Variants in TMEM132D observed in about 807,000 individuals in gnomAD.
TMEM132D encodes the protein transmembrane protein 132D, also known as mature OL transmembrane protein.
Under a neutral mutation model 62.3 loss-of-function variants are expected in TMEM132D, and 21 were observed. The ratio of observed to expected loss-of-function variants is 0.34; its 90% confidence interval spans 0.24 to 0.49. The LOEUF is 0.49. TMEM132D is among the 20% of genes least tolerant of loss of function. The pLI is 0.99. For synonymous variants in TMEM132D, 621 were observed against 575.6 expected (o/e 1.08, Z -1.13); for missense variants, 1,346 against 1,402.8 (o/e 0.96, Z 0.65).
intron 3 of TMEM132D, among the ~76,000 whole-genome samples, chr12:129,419,953 G>C (rs1020066976): frequency 3.3e-5 from 5 of 152,160 alleles, no homozygotes; most frequent in African/African-American, 9.7e-5. Context: ...AATATTCCCA[G>C]TTGACCATAG....
At chr12:129,533,837 C>T (rs963715160) in intron 2 of TMEM132D, among the ~76,000 whole-genome samples, 1 of 152,186 alleles carries the variant, frequency 6.6e-6, no homozygotes, top group African/African-American at 2.4e-5. Context: ...ATAGAACACA[C>T]ATTTCTAGGG....
intron 3 of TMEM132D, among the ~76,000 whole-genome samples, chr12:129,414,963 C>T (rs1258032562): frequency 6.6e-6 from 1 of 152,200 alleles, no homozygotes; most frequent in Admixed American, 6.5e-5. Context: ...GCACAATGTG[C>T]TCTAGGTTCA....
At chr12:129,696,578 C>A (rs1306651754) in intron 2 of TMEM132D, among the ~76,000 whole-genome samples, 1 of 152,134 alleles carries the variant, frequency 6.6e-6, no homozygotes, top group African/African-American at 2.4e-5. Context: ...AAGACCAGAG[C>A]TCTTTGGAAA....
intron 3 of TMEM132D, among the ~76,000 whole-genome samples, chr12:129,399,412 A>T (rs368371927): frequency 6.6e-6 from 1 of 152,188 alleles, no homozygotes; most frequent in Admixed American, 6.5e-5. Flanking sequence ...TGCAATAGCT[A>T]ACCCACTCCC....
intron 3 of TMEM132D, among the ~76,000 whole-genome samples, chr12:129,467,313 T>C (rs531104841): frequency 7.3e-4 from 111 of 152,178 alleles, no homozygotes; most frequent in African/African-American, 2.6e-3. Flanking sequence ...CTTTTCTCTA[T>C]CTCAATTTCC....
At chr12:129,588,758 T>C (rs1348730420) in intron 2 of TMEM132D, among the ~76,000 whole-genome samples, 1 of 148,868 alleles carries the variant, frequency 6.7e-6, no homozygotes, top group Non-Finnish European at 1.5e-5. Flanking sequence ...CTTTTTTTTT[T>C]TTTTTTTGTA....
intron 3 of TMEM132D, among the ~76,000 whole-genome samples, chr12:129,465,343 T>C (rs185028486): frequency 0.018 from 2,717 of 152,280 alleles, 45 homozygotes; most frequent in Non-Finnish European, 0.028. Flanking sequence ...CAATATCATA[T>C]TGAATGGACA....
rs887119773 is a variant in TMEM132D at position 129,854,995 on chromosome 12, A to C, written c.79+48266T>G. ...CTGGATGTTTATGCCCCTCCCCCAA[A>C]TTAATGCTGAGATCTTAACCGAGGT... is the stretch of plus-strand genomic sequence containing the variant. On this transcript the variant is annotated intron_variant, in intron 1 of 8. Transcript: ENST00000422113. The C allele has an allele frequency of 4.6e-5, 7 of 152,510 alleles. 1 individual carries two copies. In the Middle Eastern group the frequency reaches 0.017, roughly 368 times the overall value. 9.4% of individuals were successfully genotyped at this position (152,510 alleles called of 1,614,324 possible).
chr12:129,467,380 A>G (rs1031486656), intron 3 of TMEM132D, among the ~76,000 whole-genome samples: 47 of 152,300 alleles, frequency 3.1e-4, no homozygotes, highest in African/African-American at 1.1e-3. Flanking sequence ...AACCAGTTCC[A>G]GGTCCCCACT....
Position 129,376,469 on chromosome 12 carries a change from T to C in TMEM132D, c.1116-38652A>G, listed in dbSNP as rs1870783528. Among the ~76,000 whole-genome samples, 4 of 152,130 alleles carry C rather than the reference T, an allele frequency of 2.6e-5. No individual in the cohort carries two copies. In the South Asian group the frequency reaches 8.3e-4, roughly 32 times the overall value. ...AACAGCAGGGAGGTAGCTGCTCCCA[T>C]GATTCAATTACCTCCAACCAGGTAC... On this transcript the variant is annotated intron_variant, in intron 3 of 8. Transcript: ENST00000422113.
At chr12:129,814,667 GT>G (rs1321644969) in intron 1 of TMEM132D, among the ~76,000 whole-genome samples, 5 of 151,666 alleles carry the variant, frequency 3.3e-5, no homozygotes, top group Non-Finnish European at 5.9e-5. Context: ...TGATGTAGGG[GT>G]CCTATGAGTT....
At chr12:129,078,424 G>A (rs905033120) in intron 8 of TMEM132D, 110 bp downstream of exon 8, 36 of 1,108,370 alleles carry the variant, frequency 3.2e-5, no homozygotes, top group Middle Eastern at 3.1e-4. Flanking sequence ...ACAAACGCCC[G>A]ATATATGATC....
chr12:129,815,315 G>A (rs1872313448), intron 1 of TMEM132D, among the ~76,000 whole-genome samples: 1 of 152,184 alleles, frequency 6.6e-6, no homozygotes, highest in Admixed American at 6.5e-5. Flanking sequence ...TCAAAATAGT[G>A]TACATGTGAC....
chr12:129,106,668 A>C (rs1199635602), intron 5 of TMEM132D, among the ~76,000 whole-genome samples: 1 of 152,086 alleles, frequency 6.6e-6, no homozygotes, highest in East Asian at 1.9e-4. Flanking sequence ...CTTCTTGGGC[A>C]GATTGGAGGA....
chr12:129,519,537 T>C (rs1025622402), intron 3 of TMEM132D, among the ~76,000 whole-genome samples: 1 of 152,084 alleles, frequency 6.6e-6, no homozygotes, highest in Non-Finnish European at 1.5e-5. Flanking sequence ...TTAAAAACAT[T>C]ATTCTGAGGA....
intron 2 of TMEM132D, among the ~76,000 whole-genome samples, chr12:129,612,896 A>G (rs1157161696): frequency 6.6e-6 from 1 of 152,190 alleles, no homozygotes; most frequent in East Asian, 1.9e-4. Flanking sequence ...AAAGACCTGG[A>G]CTTTTGTTGC....
chr12:129,741,963 G>A (rs1208529837), intron 1 of TMEM132D, among the ~76,000 whole-genome samples: 2 of 152,098 alleles, frequency 1.3e-5, no homozygotes, highest in African/African-American at 2.4e-5. Flanking sequence ...GTCCATGATT[G>A]GGGTCATAAC....
At chr12:129,677,265 G>A (rs1055361749) in intron 2 of TMEM132D, among the ~76,000 whole-genome samples, 1 of 152,164 alleles carries the variant, frequency 6.6e-6, no homozygotes, top group Non-Finnish European at 1.5e-5. Context: ...AGTCTCACGA[G>A]ATCTGATGGT....
chr12:129,099,177 C>T (rs994493629), intron 5 of TMEM132D, among the ~76,000 whole-genome samples: 7 of 152,162 alleles, frequency 4.6e-5, no homozygotes, highest in Admixed American at 4.6e-4. Flanking sequence ...TCATTTACTA[C>T]CCCTCTAAAA....
Sources: gnomAD v4.1 joint callset for allele counts (sites outside exome capture counted in the v4.1 genomes callset) on GRCh38, gnomAD v4.1.1 for gene constraint, MANE v1.5 for transcripts, NCBI Gene and HGNC (gene_info 2026-07-23, HGNC 2026-07-21) for gene names.